The following CDH12 variants were observed in gnomAD, a reference collection of about 807,000 sequenced individuals.
CDH12 encodes the protein cadherin-12.
CDH12 carries 41 observed loss-of-function variants against 74.1 expected under a neutral mutation model. That is an observed-to-expected ratio of 0.55 (90% CI 0.43 to 0.72). The LOEUF (loss-of-function observed/expected upper bound fraction) is 0.72, where lower values mean the gene tolerates loss of function less well. Among genes scored for constraint, CDH12 ranks in the 30% least tolerant of loss-of-function variants. The pLI, the probability that CDH12 is intolerant of heterozygous loss-of-function variation, is 0.00. For synonymous variants in CDH12, 399 were observed against 355.0 expected (o/e 1.12, Z -1.39); for missense variants, 945 against 977.2 (o/e 0.97, Z 0.44).
chr5:21,878,587 A>AAAG (rs2150027811), intron 6 of CDH12, among the ~76,000 whole-genome samples: 1 of 150,008 alleles, frequency 6.7e-6, no homozygotes, highest in East Asian at 2.0e-4. Context: ...AAAAAAAAAA[A>AAAG]AAAAAATTAG....
intron 5 of CDH12, among the ~76,000 whole-genome samples, chr5:22,045,987 T>C (rs1262316090): frequency 1.3e-5 from 2 of 152,178 alleles, no homozygotes; most frequent in Non-Finnish European, 2.9e-5. Context: ...TATGCATATA[T>C]CAAACATATT....
chr5:22,556,084 A>C (rs1465611996), intron 1 of CDH12, among the ~76,000 whole-genome samples: 1 of 152,042 alleles, frequency 6.6e-6, no homozygotes, highest in Non-Finnish European at 1.5e-5. Context: ...AAAGAATGAA[A>C]TATTTTTCTA....
chr5:22,407,007 TTAC>T (rs1742966204), intron 2 of CDH12, among the ~76,000 whole-genome samples: 1 of 129,644 alleles, frequency 7.7e-6, no homozygotes, highest in Non-Finnish European at 1.7e-5. Context: ...CTATGGTCAC[TTAC>T]TTAATTCTAA....
chr5:21,796,520 C>T (rs1746790553), intron 10 of CDH12, among the ~76,000 whole-genome samples: 1 of 151,956 alleles, frequency 6.6e-6, no homozygotes. Flanking sequence ...TTTTAAATTG[C>T]ACTATTAACC....
intron 10 of CDH12, among the ~76,000 whole-genome samples, chr5:21,787,471 A>C (rs1260784012): frequency 2.0e-5 from 3 of 152,150 alleles, no homozygotes; most frequent in Non-Finnish European, 2.9e-5. Context: ...TTTGGGCATA[A>C]TTCCATTTCA....
At chr5:22,800,606 A>G (rs1458000788) in intron 1 of CDH12, among the ~76,000 whole-genome samples, 3 of 152,234 alleles carry the variant, frequency 2.0e-5, no homozygotes, top group East Asian at 3.9e-4. Flanking sequence ...TTTACATTCT[A>G]TGAGTTTTGA....
chr5:22,676,609 T>C (rs765167535), intron 1 of CDH12, among the ~76,000 whole-genome samples: 2 of 152,326 alleles, frequency 1.3e-5, no homozygotes, highest in East Asian at 1.9e-4. Flanking sequence ...TTCTAATGTA[T>C]TGTCAAGTAT....
At chr5:22,038,479 A>G (rs1739336454) in intron 5 of CDH12, among the ~76,000 whole-genome samples, 1 of 151,942 alleles carries the variant, frequency 6.6e-6, no homozygotes, top group Admixed American at 6.6e-5. Flanking sequence ...AAGCTGCACA[A>G]CCCCTCCCAA....
chr5:22,254,052 G>T (rs949462220), intron 3 of CDH12, among the ~76,000 whole-genome samples: 2 of 151,770 alleles, frequency 1.3e-5, no homozygotes, highest in African/African-American at 4.8e-5. Context: ...ATGAACTCAA[G>T]AAGTTTGAGT....
At chr5:21,813,746 C>A (rs1747883983) in intron 9 of CDH12, among the ~76,000 whole-genome samples, 1 of 152,100 alleles carries the variant, frequency 6.6e-6, no homozygotes, top group Admixed American at 6.6e-5. Context: ...ACCCAAATAC[C>A]ACATGGTCAG....
intron 1 of CDH12, among the ~76,000 whole-genome samples, chr5:22,824,424 C>A (rs1395451890): frequency 6.6e-6 from 1 of 152,046 alleles, no homozygotes; most frequent in Non-Finnish European, 1.5e-5. Flanking sequence ...AAAGCATACA[C>A]ATACAAATGA....
At chr5:21,968,977 G>T (rs1432824412) in intron 6 of CDH12, among the ~76,000 whole-genome samples, 1 of 151,880 alleles carries the variant, frequency 6.6e-6, no homozygotes, top group Non-Finnish European at 1.5e-5. Flanking sequence ...GAGGCTTGAT[G>T]GGGGGTGGAG....
chr5:22,398,015 C>G (rs1742536547), intron 3 of CDH12, among the ~76,000 whole-genome samples: 1 of 152,026 alleles, frequency 6.6e-6, no homozygotes, highest in African/African-American at 2.4e-5. Flanking sequence ...ATATATTGTG[C>G]ATTAACTACT....
Position 22,277,664 on chromosome 5 carries a change from C to A in CDH12, c.-332-65021G>T, listed in dbSNP as rs537364737. On this transcript the variant is annotated intron_variant, in intron 3 of 14. Transcript: ENST00000382254. ...CCTGACCAACATGGAGAAACCCTAT[C>A]TCTACCAAAAATACAAAAAATCAGC... 5.9e-5 allele frequency among the ~76,000 whole-genome samples: 5 copies of A among 84,828 alleles called. No homozygotes were observed. In the South Asian group the frequency reaches 1.9e-3, roughly 33 times the overall value. 55.7% of individuals were successfully genotyped at this position (84,828 alleles called of 152,430 possible).
At chr5:21,946,502 T>C (rs1409352266) in intron 6 of CDH12, among the ~76,000 whole-genome samples, 2 of 152,172 alleles carry the variant, frequency 1.3e-5, no homozygotes, top group African/African-American at 4.8e-5. Context: ...GAGACTCATA[T>C]GGAAACAAGT....
At chr5:22,435,570 C>T (rs892994995) in intron 2 of CDH12, among the ~76,000 whole-genome samples, 1 of 150,632 alleles carries the variant, frequency 6.6e-6, no homozygotes, top group Non-Finnish European at 1.5e-5. Flanking sequence ...AGAATCCTGA[C>T]TAATAGAGGG....
chr5:21,886,539 T>TAATATATATA (rs572157091), intron 6 of CDH12, among the ~76,000 whole-genome samples: 3 of 146,734 alleles, frequency 2.0e-5, no homozygotes, highest in Non-Finnish European at 3.0e-5. Context: ...ATATTATATA[T>TAATATATATA]AATATATATA....
At chr5:21,824,821 C>T (rs1421580067) in intron 8 of CDH12, among the ~76,000 whole-genome samples, 1 of 152,062 alleles carries the variant, frequency 6.6e-6, no homozygotes, top group African/African-American at 2.4e-5. Flanking sequence ...ACATAATTTT[C>T]CCTCTACTTC....
At chr5:22,643,985 A>G (rs1739303396) in intron 1 of CDH12, among the ~76,000 whole-genome samples, 1 of 151,932 alleles carries the variant, frequency 6.6e-6, no homozygotes, top group Non-Finnish European at 1.5e-5. Flanking sequence ...ACCACATAAG[A>G]TGATGAACTT....
Sources: allele counts gnomAD v4.1 joint callset (sites outside exome capture counted in the v4.1 genomes callset), GRCh38; gene constraint gnomAD v4.1.1; transcripts MANE v1.5; gene names NCBI Gene and HGNC (gene_info 2026-07-23, HGNC 2026-07-21).